Variants in LDHAL6A observed in about 807,000 individuals in gnomAD.
LDHAL6A encodes the protein lactate dehydrogenase A like 6A, also known as L-lactate dehydrogenase A-like 6A.
Under a neutral mutation model 28.2 loss-of-function variants are expected in LDHAL6A, and 19 were observed. That is an observed-to-expected ratio of 0.67 (90% CI 0.47 to 0.99). LDHAL6A has a LOEUF of 0.99. Ranked by LOEUF, LDHAL6A falls within the 50% of genes least tolerant of loss-of-function variation. The pLI, the probability that LDHAL6A is intolerant of heterozygous loss-of-function variation, is 0.00. For missense variants in LDHAL6A, 372 were observed against 398.6 expected, an observed-to-expected ratio of 0.93 and a Z score of 0.57; for synonymous variants, 144 against 134.4, an observed-to-expected ratio of 1.07 and a Z score of -0.49.
In LDHAL6A at chr11:18,464,126, A is replaced by G. The variant is rs182339059; in HGVS notation, c.244+48A>G. ...ATAAATATTCTAATATACATGAACA[A>G]GTATCTAAGAAAATCATCTTTATTT... On this transcript the variant is annotated intron_variant, in intron 2 of 6. Coordinates refer to ENST00000280706, the MANE Select transcript of LDHAL6A (RefSeq NM_144972.5). 1.1e-4 allele frequency: 134 copies of G among 1,239,302 alleles called. 1 individual carries two copies. The African/African-American group carries it at 1.8e-3, about 17-fold the overall frequency. The allele number at this position is 1,239,302 out of a possible 1,614,324, so 76.8% of individuals were successfully genotyped here.
chr11:18,460,014 T>C (rs920130288), intron 1 of LDHAL6A, among the ~76,000 whole-genome samples: 3 of 152,242 alleles, frequency 2.0e-5, no homozygotes, highest in Non-Finnish European at 4.4e-5. Context: ...TTTATCAGTG[T>C]TGATGTTGAC....
At chr11:18,458,487 A>T (rs1474351652) in intron 1 of LDHAL6A, among the ~76,000 whole-genome samples, 1 of 152,192 alleles carries the variant, frequency 6.6e-6, no homozygotes, top group African/African-American at 2.4e-5. Context: ...GTATGTTGCT[A>T]ACTATGGCAT....
chr11:18,461,436 TC>T (rs1848901764), intron 1 of LDHAL6A, among the ~76,000 whole-genome samples: 2 of 152,064 alleles, frequency 1.3e-5, no homozygotes, highest in Non-Finnish European at 2.9e-5. Flanking sequence ...AGCCACCATG[TC>T]CCACCTTGAT....
chr11:18,461,859 A>G (rs1848916259), intron 1 of LDHAL6A, among the ~76,000 whole-genome samples: 1 of 123,160 alleles, frequency 8.1e-6, no homozygotes, highest in African/African-American at 3.5e-5. Context: ...CTCAAAAAAA[A>G]GAAAAAAAAA....
rs1848740593 is a variant in LDHAL6A, at chr11:18,455,921, TGCCAAGCATCACAC to T, written c.-759_-746del. ...CATCACACCTGCCAAGCATCACACC[TGCCAAGCATCACAC>T]CTGCGATGCCTGCACGAGCTGGGTG... On this transcript the variant is annotated 5_prime_UTR_variant, in exon 1 of 7. Transcript: ENST00000280706. The T allele has an allele frequency of 7.9e-6, 1 of 126,516 alleles. No individual in the cohort carries two copies. The highest frequency in any genetic ancestry group is 3.5e-5 in the African/African-American group (1 of 28,624). The allele number at this position is 126,516 out of a possible 1,614,324, so 7.8% of individuals were successfully genotyped here. A position where few individuals can be genotyped will look rare whatever the true frequency, so the allele number is the denominator to read the frequency against.
At position 18,475,629 on chromosome 11, in the gene LDHAL6A, C is replaced by A. The variant is rs765677612; in HGVS notation, c.582C>A (p.Gly194=). Residue 194 remains glycine (G), a synonymous_variant, in exon 4 of 7, where the codon GGC becomes GGA. Coordinates refer to ENST00000280706, the MANE Select transcript of LDHAL6A (RefSeq NM_144972.5). ...ATGGGCTGATCCTTGGAGAGCATGGCGACTCAAGTGGTAAGCCTGAGGCAC... is the reference window on the plus strand; with the variant it reads ...ATGGGCTGATCCTTGGAGAGCATGGAGACTCAAGTGGTAAGCCTGAGGCAC... ...SCHGLILGEH[G]DSSVPVWSGV... The A allele has an allele frequency of 1.2e-6, 2 of 1,612,334 alleles. No homozygotes were observed. Among genetic ancestry groups the A allele is most frequent in the African/African-American group, 2.7e-5 (2 of 74,850 alleles).
rs776291205 is a variant in LDHAL6A at position 18,463,945 on chromosome 11, TAACA to T, written c.127-14_127-11del. ...AGAGATACACTCACACCCATTGGAC[TAACA>T]ATGTTTTTCAGGGTTTGAGTGATGA... On this transcript the variant is annotated splice_polypyrimidine_tract_variant and intron_variant, in intron 1 of 6. Coordinates refer to ENST00000280706, the MANE Select transcript of LDHAL6A (RefSeq NM_144972.5). 4.5e-5 allele frequency: 70 copies of T among 1,546,764 alleles called. No individual in the cohort carries two copies. In the South Asian group the frequency reaches 7.8e-4, roughly 17 times the overall value.
Position 18,466,831 on chromosome 11 carries a change from T to C in LDHAL6A, c.418+1021T>C, listed in dbSNP as rs372982806. 1.6e-3 allele frequency among the ~76,000 whole-genome samples: 245 copies of C among 152,260 alleles called. No individual in the cohort carries two copies. In the South Asian group the frequency reaches 0.034, roughly 21 times the overall value. Reference sequence around the variant, plus strand: ...TTGTACTAGACTCCTCACTGGTGCATTTACAAGGTGGACAAACTGAAAATA... The same window carrying C: ...TTGTACTAGACTCCTCACTGGTGCACTTACAAGGTGGACAAACTGAAAATA... On this transcript the variant is annotated intron_variant, in intron 3 of 6. Transcript: ENST00000280706.
chr11:18,478,698 A>G lies in LDHAL6A; in HGVS notation c.835-8A>G, dbSNP rs1382682423. The G allele has an allele frequency of 3.1e-6, 5 of 1,595,430 alleles. No individual in the cohort carries two copies. Among genetic ancestry groups the G allele is most frequent in the Middle Eastern group, 1.7e-4 (1 of 6,030 alleles). Reference sequence around the variant, plus strand: ...AAAAAGGAATAATTTTTAAGTCTTTACTTTCAGGGCCTCTATGGAATAAAT... The same window carrying G: ...AAAAAGGAATAATTTTTAAGTCTTTGCTTTCAGGGCCTCTATGGAATAAAT... On this transcript the variant is annotated splice_polypyrimidine_tract_variant and splice_region_variant and intron_variant, in intron 6 of 6. Coordinates refer to ENST00000280706, the MANE Select transcript of LDHAL6A (RefSeq NM_144972.5).
At position 18,479,074 on chromosome 11, in the gene LDHAL6A, A is replaced by G. The variant is rs1015970523; in HGVS notation, c.*204A>G. The G allele has an allele frequency of 2.3e-6, 1 of 434,828 alleles. No homozygotes were observed. Among genetic ancestry groups the G allele is most frequent in the African/African-American group, 2.0e-5 (1 of 49,026 alleles). 26.9% of individuals were successfully genotyped at this position (434,828 alleles called of 1,614,324 possible). A position where few individuals can be genotyped will look rare whatever the true frequency, so the allele number is the denominator to read the frequency against. ...ACCCAGGCTGGAGTGCAGTGGCACA[A>G]TCATGGCTCACTGCAACCTTGACCT... is the stretch of plus-strand genomic sequence containing the variant. On this transcript the variant is annotated 3_prime_UTR_variant, in exon 7 of 7. Coordinates refer to ENST00000280706, the MANE Select transcript of LDHAL6A (RefSeq NM_144972.5).
Position 18,476,414 on chromosome 11 carries a change from G to A in LDHAL6A, c.623G>A (p.Gly208Asp), listed in dbSNP as rs1365123365. Residue 208 changes from glycine (G) to aspartate (D), a missense_variant, in exon 5 of 7, where the codon GGC becomes GAC. Around this residue, in one of 3 missense-constraint regions of LDHAL6A, gnomAD observed 291 missense variants for 302.9 expected, o/e 0.96. Transcript: ENST00000280706. ...VPVWSGVNIA[G>D]VPLKDLNPDI... The stretch of plus-strand genomic sequence containing the variant: ...GTGTGGAGTGGTGTGAACATTGCTG[G>A]CGTCCCTCTGAAGGATCTGAACCCA... The A allele has an allele frequency of 6.2e-7, 1 of 1,613,916 alleles. No individual in the cohort carries two copies. The highest frequency in any genetic ancestry group is 1.3e-5 in the African/African-American group (1 of 74,902).
Position 18,465,787 on chromosome 11 carries a change from A to T in LDHAL6A, c.395A>T (p.Lys132Ile). 6.2e-7 allele frequency: 1 copy of T among 1,612,538 alleles called. No individual in the cohort carries two copies. The highest frequency in any genetic ancestry group is 1.1e-5 in the South Asian group (1 of 90,646). Reference protein sequence around the residue: ...PNITQYSPHCKLLIVTNPVDI... With the variant: ...PNITQYSPHCILLIVTNPVDI... The stretch of plus-strand genomic sequence containing the variant: ...ATTACCCAGTACAGTCCTCACTGCA[A>T]ACTGCTTATTGTTACTAATCCAGGT... Residue 132 changes from lysine to isoleucine, a missense_variant, in exon 3 of 7, where the codon AAA (lysine) becomes ATA (isoleucine). By Grantham distance (102) the Lys-to-Ile change is moderately radical (BLOSUM62 -3). This residue lies in a region of LDHAL6A where 291 missense variants were observed against 302.9 expected (regional missense o/e 0.96). Coordinates refer to ENST00000280706, the MANE Select transcript of LDHAL6A (RefSeq NM_144972.5).
Position 18,475,602 on chromosome 11 carries a change from T to G in LDHAL6A, c.555T>G (p.Cys185Trp). ...GQRLGIHSES[C>W]HGLILGEHGD... Reference sequence around the variant, plus strand: ...GGCTTGGCATCCACTCTGAAAGCTGTCATGGGCTGATCCTTGGAGAGCATG... The same window carrying G: ...GGCTTGGCATCCACTCTGAAAGCTGGCATGGGCTGATCCTTGGAGAGCATG... The change falls in exon 4 of 7, where the codon TGT becomes TGG. Residue 185 changes from cysteine (C) to tryptophan (W), a missense_variant. By Grantham distance (215) the Cys-to-Trp change is radical. This residue lies in a region of LDHAL6A where 291 missense variants were observed against 302.9 expected (regional missense o/e 0.96). Transcript: ENST00000280706. 1 of 1,614,160 alleles carries G rather than the reference T, an allele frequency of 6.2e-7. No homozygotes were observed. Among genetic ancestry groups the G allele is most frequent in the South Asian group, 1.1e-5 (1 of 91,080 alleles).
In LDHAL6A at chr11:18,470,362, G is replaced by A. The variant is rs188268588; in HGVS notation, c.418+4552G>A. 5.9e-5 allele frequency among the ~76,000 whole-genome samples: 9 copies of A among 152,318 alleles called. No homozygotes were observed. In the East Asian group the frequency reaches 1.7e-3, roughly 29 times the overall value. ...CAGATGCAGCTCCCGTGTCTCCACA[G>A]TCCTCAAGGCCTGGTTTTGGTGGTT... On this transcript the variant is annotated intron_variant, in intron 3 of 6. Coordinates refer to ENST00000280706, the MANE Select transcript of LDHAL6A (RefSeq NM_144972.5).
At position 18,456,716 on chromosome 11, in the gene LDHAL6A, C is replaced by G. The variant is rs924045116; in HGVS notation, c.36C>G (p.Phe12Leu). 1.2e-6 allele frequency: 2 copies of G among 1,613,800 alleles called. No homozygotes were observed. Among genetic ancestry groups the G allele is most frequent in the East Asian group, 2.2e-5 (1 of 44,876 alleles). ...ATIKSELIKN[F>L]AEEEAIHHNK... ...TCAAGAGTGAACTTATTAAGAATTT[C>G]GCGGAAGAGGAGGCCATTCATCACA... is the stretch of plus-strand genomic sequence containing the variant. The change falls in exon 1 of 7, where the codon TTC (phenylalanine) becomes TTG (leucine). Residue 12 changes from phenylalanine to leucine, a missense_variant. Physicochemically the swap from Phe to Leu is conservative, Grantham distance 22 (BLOSUM62 0). This residue lies in a region of LDHAL6A where 77 missense variants were observed against 77.9 expected (regional missense o/e 0.99). Transcript: ENST00000280706.
intron 2 of LDHAL6A, among the ~76,000 whole-genome samples, chr11:18,465,426 G>GTTTTTT (rs5790038): frequency 7.1e-6 from 1 of 139,988 alleles, no homozygotes. Context: ...CATGACTTAC[G>GTTTTTT]TTTTTTTTTT....
At chr11:18,467,872 T>TACAC (rs1565070703) in intron 3 of LDHAL6A, among the ~76,000 whole-genome samples, 2 of 29,212 alleles carry the variant, frequency 6.8e-5, no homozygotes, top group African/African-American at 1.6e-4. Context: ...AATATATATA[T>TACAC]ATACACACAT....
intron 1 of LDHAL6A, among the ~76,000 whole-genome samples, chr11:18,462,647 C>CA (rs1333640595): frequency 4.4e-4 from 28 of 63,912 alleles, no homozygotes; most frequent in African/African-American, 2.9e-3. Context: ...AAAAAACAAA[C>CA]AAACAAACAA....
intron 3 of LDHAL6A, among the ~76,000 whole-genome samples, chr11:18,470,522 A>C (rs1376561316): frequency 1.3e-5 from 2 of 152,216 alleles, no homozygotes; most frequent in Non-Finnish European, 2.9e-5. Flanking sequence ...CACTTTTAGA[A>C]GTTCTTAAGT....
Sources: allele counts gnomAD v4.1 joint callset (sites outside exome capture counted in the v4.1 genomes callset), GRCh38; gene constraint gnomAD v4.1.1; regional missense constraint gnomAD v4.1.1; transcripts MANE v1.5; gene names NCBI Gene and HGNC (gene_info 2026-07-23, HGNC 2026-07-21).